The following MTMR14 variants were observed in gnomAD, a reference collection of about 807,000 sequenced individuals.
The protein encoded by MTMR14 is myotubularin related protein 14.
A neutral mutation model predicts 86.3 loss-of-function variants in MTMR14; 48 were observed. That is an observed-to-expected ratio of 0.56 (90% CI 0.44 to 0.71). The LOEUF (loss-of-function observed/expected upper bound fraction) is 0.71, where lower values mean the gene tolerates loss of function less well. MTMR14 is among the 30% of genes least tolerant of loss of function. The pLI is 0.00. For synonymous variants in MTMR14, 366 were observed against 326.1 expected (o/e 1.12, Z -1.32); for missense variants, 780 against 834.6 (o/e 0.93, Z 0.81).
At chr3:9,680,218 C>T (rs1267204930) in intron 9 of MTMR14, among the ~76,000 whole-genome samples, 3 of 152,306 alleles carry the variant, frequency 2.0e-5, no homozygotes, top group East Asian at 3.9e-4. Flanking sequence ...TTGCTCCCAC[C>T]ACATCCATCA....
chr3:9,674,833 C>T (rs986918883), intron 7 of MTMR14, among the ~76,000 whole-genome samples: 6 of 151,718 alleles, frequency 4.0e-5, no homozygotes, highest in South Asian at 4.2e-4. Flanking sequence ...CATCAAAAGC[C>T]GAGTGCAGTG....
intron 18 of MTMR14, among the ~76,000 whole-genome samples, chr3:9,699,107 G>A (rs1378858735): frequency 1.3e-5 from 2 of 151,580 alleles, no homozygotes; most frequent in African/African-American, 2.4e-5. Flanking sequence ...GGGAAGCGGA[G>A]GTTGCCGTGA....
At chr3:9,686,548 A>G (rs1037439448) in intron 13 of MTMR14, among the ~76,000 whole-genome samples, 4 of 152,222 alleles carry the variant, frequency 2.6e-5, no homozygotes, top group African/African-American at 9.7e-5. Context: ...CCTATTAGTT[A>G]AACACGATTG....
chr3:9,684,165 A>G (rs1184596765), intron 10 of MTMR14, among the ~76,000 whole-genome samples: 1 of 152,170 alleles, frequency 6.6e-6, no homozygotes, highest in East Asian at 1.9e-4. Context: ...TAGTACTAGC[A>G]TGTGGTTAGA....
chr3:9,670,926 C>A, intron 5 of MTMR14, 122 bp from the exon 6 acceptor site: 1 of 1,321,922 alleles, frequency 7.6e-7, no homozygotes, highest in Non-Finnish European at 1.1e-6. Context: ...CATGCGTCCA[C>A]CTAGCACACG....
intron 3 of MTMR14, among the ~76,000 whole-genome samples, 169 bp from the exon 4 acceptor site, chr3:9,668,550 A>G (rs1351662521): frequency 6.6e-6 from 1 of 152,216 alleles, no homozygotes; most frequent in Non-Finnish European, 1.5e-5. Flanking sequence ...TGGATTAAGT[A>G]CTAGGGATCT....
chr3:9,669,651 G>A (rs1389245635), intron 5 of MTMR14, among the ~76,000 whole-genome samples, 159 bp downstream of exon 5: 1 of 152,192 alleles, frequency 6.6e-6, no homozygotes, highest in Non-Finnish European at 1.5e-5. Context: ...CCTGAAATAT[G>A]GCTGTTGAAG....
intron 5 of MTMR14, among the ~76,000 whole-genome samples, chr3:9,670,659 TGG>T (rs996715147): frequency 6.6e-6 from 1 of 150,876 alleles, no homozygotes; most frequent in African/African-American, 2.4e-5. Context: ...TGATCATAAA[TGG>T]GGGAAAAGGA....
chr3:9,689,783 C>T (rs1160343826), intron 16 of MTMR14, among the ~76,000 whole-genome samples, 181 bp from the exon 17 acceptor site: 3 of 152,252 alleles, frequency 2.0e-5, no homozygotes, highest in African/African-American at 7.2e-5. Context: ...ATGCCACAGG[C>T]CCTCCATAAA....
chr3:9,672,415 A>G (rs74650306), intron 6 of MTMR14, among the ~76,000 whole-genome samples: 3,991 of 151,992 alleles, frequency 0.026, 168 homozygotes, highest in African/African-American at 0.09. Context: ...AGTTTTTTAT[A>G]TTTTTGATAG....
intron 2 of MTMR14, among the ~76,000 whole-genome samples, chr3:9,661,658 C>T (rs952821715): frequency 1.3e-5 from 2 of 152,066 alleles, no homozygotes; most frequent in Admixed American, 1.3e-4. Flanking sequence ...AAATTGGACA[C>T]CCTAGACATA....
intron 9 of MTMR14, among the ~76,000 whole-genome samples, chr3:9,681,221 CAT>C (rs1483283150): frequency 1.1e-4 from 16 of 152,324 alleles, no homozygotes; most frequent in African/African-American, 3.1e-4. Context: ...TGGCAGGACA[CAT>C]GTGTCTTGCT....
chr3:9,652,121 C>T (rs2047336466), intron 1 of MTMR14, among the ~76,000 whole-genome samples: 1 of 152,112 alleles, frequency 6.6e-6, no homozygotes, highest in Non-Finnish European at 1.5e-5. Context: ...TGAGCCACTG[C>T]ACCCAGCCTA....
chr3:9,699,615 C>G (rs1045579089), intron 18 of MTMR14: 1 of 152,240 alleles, frequency 6.6e-6, no homozygotes, highest in African/African-American at 2.4e-5. Flanking sequence ...TAGCTCATCT[C>G]TCAAGAAGGA....
At chr3:9,649,979 A>T (rs912830952) in intron 1 of MTMR14, among the ~76,000 whole-genome samples, 5 of 152,080 alleles carry the variant, frequency 3.3e-5, no homozygotes, top group Non-Finnish European at 7.4e-5. Flanking sequence ...TTGTTTGAGA[A>T]GGGGTCTGGA....
At chr3:9,683,338 A>C in intron 10 of MTMR14, 94 bp downstream of exon 10, 1 of 1,229,082 alleles carries the variant, frequency 8.1e-7, no homozygotes, top group South Asian at 1.2e-5. Context: ...GGAGTTGCAC[A>C]CCTTACTTTT....
In MTMR14 at chr3:9,683,177, G is replaced by A. The variant is rs2075826301; in HGVS notation, c.898-1G>A. ...CATTTCTTCTCACTTTTCTCCAACA[G>A]TGTTGGGATCTGGTGCAACAAACAC... On this transcript the variant is annotated splice_acceptor_variant, in intron 9 of 18. Coordinates refer to ENST00000296003, the MANE Select transcript of MTMR14 (RefSeq NM_001077525.3). LOFTEE classifies it high-confidence loss of function. The A allele has an allele frequency of 6.2e-7, 1 of 1,613,920 alleles. No homozygotes were observed. Among genetic ancestry groups the A allele is most frequent in the Non-Finnish European group, 8.5e-7 (1 of 1,179,790 alleles).
rs555592996 is a variant in MTMR14 at position 9,685,291 on chromosome 3, A to G, written c.1164+44A>G. 10 of 1,611,888 alleles carry G rather than the reference A, an allele frequency of 6.2e-6. No individual in the cohort carries two copies. The East Asian group carries it at 2.2e-4, about 36-fold the overall frequency. ...ACTTGTGGGCACAGCTCAGCACTGA[A>G]AGAGGGGCAGTGGGTAGCCTGTCTG... is the stretch of plus-strand genomic sequence containing the variant. On this transcript the variant is annotated intron_variant, in intron 13 of 18. Transcript: ENST00000296003.
chr3:9,689,147 G>A (rs2076059855), intron 16 of MTMR14, 65 bp downstream of exon 16: 3 of 1,596,228 alleles, frequency 1.9e-6, no homozygotes, highest in Non-Finnish European at 2.5e-6. Context: ...GCACCAGGGA[G>A]CCAGGCTGGA....
Sources: gnomAD v4.1 joint callset for allele counts (sites outside exome capture counted in the v4.1 genomes callset) on GRCh38, gnomAD v4.1.1 for gene constraint, MANE v1.5 for transcripts, NCBI Gene and HGNC (gene_info 2026-07-23, HGNC 2026-07-21) for gene names.